Variants in FAM3B observed in about 807,000 individuals in gnomAD.
FAM3B encodes protein FAM3B.
FAM3B carries 29 observed loss-of-function variants against 28.4 expected under a neutral mutation model. The ratio of observed to expected loss-of-function variants is 1.02; its 90% confidence interval spans 0.76 to 1.39. The LOEUF (loss-of-function observed/expected upper bound fraction) is 1.39. Ranked by LOEUF, FAM3B falls within the 40% of genes most tolerant of loss-of-function variation. The pLI is 0.00. For synonymous variants in FAM3B, 91 were observed against 103.0 expected, an observed-to-expected ratio of 0.88 and a Z score of 0.71; for missense variants, 266 against 293.9, an observed-to-expected ratio of 0.91 and a Z score of 0.69.
At chr21:41,313,133 A>G (rs1010691631), upstream of FAM3B, among the ~76,000 whole-genome samples, 27 of 152,246 alleles carry the variant, frequency 1.8e-4, no homozygotes, top group African/African-American at 6.5e-4. Context: ...AGACAGAGCT[A>G]TGAATGTACC....
chr21:41,315,216 T>C (rs957537030), upstream of FAM3B, among the ~76,000 whole-genome samples: 1 of 152,160 alleles, frequency 6.6e-6, no homozygotes, highest in Non-Finnish European at 1.5e-5. Context: ...ATTGCGCTTA[T>C]ATGAAGTATC....
upstream of FAM3B, among the ~76,000 whole-genome samples, chr21:41,312,616 AAGCAT>A (rs2088721250): frequency 6.6e-6 from 1 of 152,236 alleles, no homozygotes; most frequent in African/African-American, 2.4e-5. Flanking sequence ...TTAAAAAGAA[AAGCAT>A]GTACAATTCA....
At chr21:41,350,131 G>A (rs1255711986) in intron 7 of FAM3B, among the ~76,000 whole-genome samples, 1 of 152,218 alleles carries the variant, frequency 6.6e-6, no homozygotes, top group African/African-American at 2.4e-5. Context: ...TTAGTTTTGC[G>A]AGGGGACGTC....
intron 7 of FAM3B, among the ~76,000 whole-genome samples, chr21:41,350,964 CG>C (rs1456622965): frequency 6.6e-6 from 1 of 152,160 alleles, no homozygotes; most frequent in African/African-American, 2.4e-5. Context: ...GCAGCCCGGG[CG>C]TTGTGCCACA....
intron 1 of FAM3B, among the ~76,000 whole-genome samples, chr21:41,321,246 G>T (rs147889800): frequency 1.0e-3 from 152 of 152,284 alleles, no homozygotes; most frequent in African/African-American, 3.3e-3. Context: ...GAAAATCAGC[G>T]ACCCACGCGG....
chr21:41,325,325 T>C (rs2088846496), intron 2 of FAM3B, among the ~76,000 whole-genome samples: 1 of 152,200 alleles, frequency 6.6e-6, no homozygotes, highest in Non-Finnish European at 1.5e-5. Flanking sequence ...TTTAATCTCC[T>C]ATAGAACAAT....
chr21:41,308,535 CTTT>C (rs562737882), intron 1 of FAM3B, among the ~76,000 whole-genome samples: 30,717 of 118,910 alleles, frequency 0.26, 3,561 homozygotes, highest in East Asian at 0.53. Context: ...TTTTTCTTTT[CTTT>C]TTTTTTTTTT....
At chr21:41,328,514 A>G (rs190083241) in intron 2 of FAM3B, among the ~76,000 whole-genome samples, 18 of 152,136 alleles carry the variant, frequency 1.2e-4, no homozygotes, top group African/African-American at 4.1e-4. Context: ...AAAAAAAAAC[A>G]TTAAGTTAAT....
In FAM3B at chr21:41,356,040, T is replaced by TACATAC. The variant is rs1350874234; in HGVS notation, c.619-1065_619-1064insTACACA. On this transcript the variant is annotated intron_variant, in intron 7 of 7. Transcript: ENST00000357985. ...ACAAGGACTCTGGGAAAAAAATACA[T>TACATAC]ACACACACACACACACACACACACA... is the stretch of plus-strand genomic sequence containing the variant. Among the ~76,000 whole-genome samples the TACATAC allele has an allele frequency of 4.7e-3, 563 of 119,936 alleles. 3 individuals are homozygous for TACATAC. The highest frequency in any genetic ancestry group is 0.018 in the African/African-American group (535 of 29,578). The allele number at this position is 119,936 out of a possible 152,430, so 78.7% of individuals were successfully genotyped here. A position where few individuals can be genotyped will look rare whatever the true frequency, so the allele number is the denominator to read the frequency against.
At chr21:41,328,895 AC>A (rs2088879671) in intron 2 of FAM3B, among the ~76,000 whole-genome samples, 1 of 152,200 alleles carries the variant, frequency 6.6e-6, no homozygotes, top group African/African-American at 2.4e-5. Context: ...AACCCAGACC[AC>A]GTCCAGCTCG....
At chr21:41,329,357 G>A (rs914304122) in intron 2 of FAM3B, among the ~76,000 whole-genome samples, 36 of 152,114 alleles carry the variant, frequency 2.4e-4, no homozygotes, top group African/African-American at 7.7e-4. Flanking sequence ...ATCCCACGGG[G>A]GACGTGAATC....
At chr21:41,348,801 G>T in intron 7 of FAM3B, 77 bp downstream of exon 7, 1 of 1,513,210 alleles carries the variant, frequency 6.6e-7, no homozygotes, top group Non-Finnish European at 9.1e-7. Flanking sequence ...TTCCTGGTGG[G>T]TTATAACTCC....
At chr21:41,311,947 T>G (rs2088716605), upstream of FAM3B, among the ~76,000 whole-genome samples, 1 of 152,174 alleles carries the variant, frequency 6.6e-6, no homozygotes, top group African/African-American at 2.4e-5. Context: ...TCACGTCTCA[T>G]GTAGATGGCA....
At chr21:41,338,604 T>C in intron 3 of FAM3B, 103 bp downstream of exon 3, 1 of 1,482,156 alleles carries the variant, frequency 6.7e-7, no homozygotes, top group Non-Finnish European at 9.1e-7. Flanking sequence ...GAGAACCATA[T>C]GTCGTTGGTC....
chr21:41,304,697 A>T (rs1404840917), intron 1 of FAM3B, among the ~76,000 whole-genome samples: 1 of 152,272 alleles, frequency 6.6e-6, no homozygotes, highest in Middle Eastern at 3.4e-3. Context: ...CTGCATTCCC[A>T]GCAGAGGATT....
intron 7 of FAM3B, among the ~76,000 whole-genome samples, chr21:41,356,040 TACACACACACACAC>T (rs59345837): frequency 4.0e-4 from 48 of 119,970 alleles, no homozygotes; most frequent in East Asian, 1.2e-3. Flanking sequence ...AAAAAATACA[TACACACACACACAC>T]ACACACACAC....
intron 1 of FAM3B, among the ~76,000 whole-genome samples, chr21:41,306,733 C>A (rs2088684782): frequency 6.6e-6 from 1 of 152,172 alleles, no homozygotes; most frequent in Non-Finnish European, 1.5e-5. Flanking sequence ...GGACCACAGA[C>A]AGTAGATGTA....
intron 1 of FAM3B, among the ~76,000 whole-genome samples, chr21:41,322,425 C>T (rs954204133): frequency 1.1e-4 from 17 of 152,222 alleles, no homozygotes; most frequent in East Asian, 3.9e-4. Context: ...AGCAGGAATA[C>T]GTTGCATGCT....
chr21:41,355,593 ATAT>A lies in FAM3B; in HGVS notation c.619-1511_619-1509del, dbSNP rs1286128123. Among the ~76,000 whole-genome samples the A allele has an allele frequency of 2.6e-5, 4 of 152,304 alleles. No individual in the cohort carries two copies. In the South Asian group the frequency reaches 8.3e-4, roughly 32 times the overall value. On this transcript the variant is annotated intron_variant, in intron 7 of 7. Coordinates refer to ENST00000357985, the MANE Select transcript of FAM3B (RefSeq NM_058186.4). ...CAAACAAACAAACACAAAAGGTCAC[ATAT>A]TATGTGATTCCATTTATATGAAATT... is the stretch of plus-strand genomic sequence containing the variant.
Sources: gnomAD v4.1 joint callset for allele counts (sites outside exome capture counted in the v4.1 genomes callset) on GRCh38, gnomAD v4.1.1 for gene constraint, MANE v1.5 for transcripts, NCBI Gene and HGNC (gene_info 2026-07-23, HGNC 2026-07-21) for gene names.